FBRSL1: variants seen among roughly 807,000 people sequenced by gnomAD.
FBRSL1 encodes the protein fibrosin like 1, also known as fibrosin-1-like protein.
A neutral mutation model predicts 89.6 loss-of-function variants in FBRSL1; 51 were observed. The observed-to-expected ratio is 0.57, with a 90% CI of 0.45 to 0.72. The LOEUF (loss-of-function observed/expected upper bound fraction) is 0.72, where lower values mean the gene tolerates loss of function less well. Among genes scored for constraint, FBRSL1 ranks in the 30% least tolerant of loss-of-function variants. The pLI is 0.00. For missense variants in FBRSL1, 1,618 were observed against 1,451.8 expected, an observed-to-expected ratio of 1.11 and a Z score of -1.86; for synonymous variants, 779 against 681.1, an observed-to-expected ratio of 1.14 and a Z score of -2.24.
chr12:132,498,911 C>T (rs748306704), intron 1 of FBRSL1, among the ~76,000 whole-genome samples: 60 of 152,244 alleles, frequency 3.9e-4, no homozygotes, highest in Non-Finnish European at 7.1e-4. Context: ...GCAGAGAGGC[C>T]GACAACCCCA....
chr12:132,572,682 G>A, intron 11 of FBRSL1, 60 bp downstream of exon 11: 3 of 1,218,520 alleles, frequency 2.5e-6, no homozygotes, highest in East Asian at 2.5e-5. Flanking sequence ...TGGGGGGAGT[G>A]CATGACAACC....
Position 132,583,513 on chromosome 12 carries a change from C to T in FBRSL1, c.2744C>T (p.Pro915Leu). 1 of 1,041,626 alleles carries T rather than the reference C, an allele frequency of 9.6e-7. No individual in the cohort carries two copies. The highest frequency in any genetic ancestry group is 3.1e-5 in the South Asian group (1 of 32,608). 64.5% of individuals were successfully genotyped at this position (1,041,626 alleles called of 1,614,324 possible). A position where few individuals can be genotyped will look rare whatever the true frequency, so the allele number is the denominator to read the frequency against. ...ARAPHLPPAAPALDGALLPSL... is the reference protein window; with the variant it reads ...ARAPHLPPAALALDGALLPSL... ...GCCCCGCACCTGCCGCCCGCCGCCC[C>T]CGCCTTGGACGGCGCGCTGCTGCCC... is the stretch of plus-strand genomic sequence containing the variant. The change falls in exon 19 of 19, where the codon CCC (proline) becomes CTC (leucine). Residue 915 changes from proline to leucine, a missense_variant. Coordinates refer to ENST00000680143, the MANE Select transcript of FBRSL1 (RefSeq NM_001367871.1).
At chr12:132,539,110 G>C (rs1200305452) in intron 4 of FBRSL1, among the ~76,000 whole-genome samples, 2 of 152,072 alleles carry the variant, frequency 1.3e-5, no homozygotes, top group Non-Finnish European at 2.9e-5. Flanking sequence ...AGTGAGCCCA[G>C]TGTGAGCCGC....
intron 2 of FBRSL1, among the ~76,000 whole-genome samples, chr12:132,515,726 C>G (rs770095167): frequency 1.3e-5 from 2 of 151,770 alleles, no homozygotes; most frequent in Non-Finnish European, 2.9e-5. Flanking sequence ...ATGGTGAAAC[C>G]CGTCTCTACT....
intron 5 of FBRSL1, chr12:132,550,914 C>A (rs139208545): frequency 5.8e-6 from 1 of 171,538 alleles, no homozygotes; most frequent in Non-Finnish European, 1.3e-5. Flanking sequence ...GGGTCAGGAA[C>A]TTACGCTGGG....
intron 3 of FBRSL1, 133 bp downstream of exon 3, chr12:132,525,956 T>C: frequency 1.4e-6 from 1 of 717,436 alleles, no homozygotes. Context: ...CCAGTCCGAG[T>C]CTGGGCCCCC....
intron 1 of FBRSL1, among the ~76,000 whole-genome samples, chr12:132,492,086 T>G (rs1252272114): frequency 1.3e-5 from 2 of 152,216 alleles, no homozygotes; most frequent in Non-Finnish European, 2.9e-5. Flanking sequence ...TGACACAGAC[T>G]GTACGTGTAC....
At chr12:132,564,702 A>G (rs112240878) in intron 5 of FBRSL1, among the ~76,000 whole-genome samples, 593 of 42,530 alleles carry the variant, frequency 0.014, 29 homozygotes, top group African/African-American at 0.052. Context: ...TCACCGTGTT[A>G]GCCAGGATGG....
At position 132,583,636 on chromosome 12, in the gene FBRSL1, C is replaced by T. The variant is rs1225207721; in HGVS notation, c.2867C>T (p.Pro956Leu). Residue 956 changes from proline to leucine, a missense_variant, in exon 19 of 19, where the codon CCG becomes CTG. Physicochemically the swap from Pro to Leu is moderately conservative, Grantham distance 98. Transcript: ENST00000680143. ...CCCGCCGCCGCCGCCCTCGGCGCAC[C>T]GCCCCCCCTGGTGACGGCGGCCGGG... Reference protein sequence around the residue: ...TPPAAAALGAPPPLVTAAGPP... With the variant: ...TPPAAAALGALPPLVTAAGPP... 1.8e-5 allele frequency: 18 copies of T among 1,004,452 alleles called. No individual in the cohort carries two copies. Among genetic ancestry groups the T allele is most frequent in the Non-Finnish European group, 2.0e-5 (17 of 842,760 alleles). The allele number at this position is 1,004,452 out of a possible 1,614,324, so 62.2% of individuals were successfully genotyped here. A position where few individuals can be genotyped will look rare whatever the true frequency, so the allele number is the denominator to read the frequency against.
intron 2 of FBRSL1, chr12:132,509,905 C>G (rs2034135286): frequency 8.1e-7 from 1 of 1,231,442 alleles, no homozygotes; most frequent in African/African-American, 1.6e-5. Context: ...TGCTGCTGCC[C>G]CCGGCGGGCC....
intron 5 of FBRSL1, among the ~76,000 whole-genome samples, chr12:132,557,933 C>T (rs890197155): frequency 2.0e-5 from 3 of 152,176 alleles, no homozygotes; most frequent in Non-Finnish European, 4.4e-5. Flanking sequence ...CAGAGCAGGG[C>T]CTGGAAGAGG....
chr12:132,517,703 C>T lies in FBRSL1; in HGVS notation c.490-8031C>T, dbSNP rs575345404. Among the ~76,000 whole-genome samples, 16 of 152,174 alleles carry T rather than the reference C, an allele frequency of 1.1e-4. 1 individual carries two copies. In the East Asian group the frequency reaches 2.5e-3, roughly 24 times the overall value. On this transcript the variant is annotated intron_variant, in intron 2 of 18. Coordinates refer to ENST00000680143, the MANE Select transcript of FBRSL1 (RefSeq NM_001367871.1). Reference sequence around the variant, plus strand: ...GGTGGCGTGTGCCTGAGGAGCCGAGCGGGCATGGGGTGGGCAGACAGGGCT... The same window carrying T: ...GGTGGCGTGTGCCTGAGGAGCCGAGTGGGCATGGGGTGGGCAGACAGGGCT...
rs551424486 is a variant in FBRSL1 at position 132,576,365 on chromosome 12, G to A, written c.1702-434G>A. Among the ~76,000 whole-genome samples, 4 of 151,978 alleles carry A rather than the reference G, an allele frequency of 2.6e-5. No homozygotes were observed. In the South Asian group the frequency reaches 6.2e-4, roughly 24 times the overall value. On this transcript the variant is annotated intron_variant, in intron 14 of 18. Transcript: ENST00000680143. Reference sequence around the variant, plus strand: ...CCGCCACTGCGCCCAGCTAATTTTTGTATTTTTAGTAAAGACGGGGTTTCG... The same window carrying A: ...CCGCCACTGCGCCCAGCTAATTTTTATATTTTTAGTAAAGACGGGGTTTCG...
chr12:132,537,247 G>A (rs1033020811), intron 4 of FBRSL1, among the ~76,000 whole-genome samples: 4 of 152,200 alleles, frequency 2.6e-5, no homozygotes, highest in African/African-American at 9.7e-5. Context: ...AGGAAGAGGT[G>A]GCACTCGGGT....
At chr12:132,568,336 G>A (rs1401996881) in intron 6 of FBRSL1, among the ~76,000 whole-genome samples, 2 of 152,380 alleles carry the variant, frequency 1.3e-5, no homozygotes, top group African/African-American at 4.8e-5. Flanking sequence ...CGGCAAGGAT[G>A]GGCCCTACTG....
chr12:132,509,663 C>T (rs2034101416), intron 2 of FBRSL1: 2 of 1,231,822 alleles, frequency 1.6e-6, no homozygotes, highest in Non-Finnish European at 2.0e-6. Flanking sequence ...TCCTCCTGGC[C>T]CCAAGGCACC....
intron 2 of FBRSL1, among the ~76,000 whole-genome samples, chr12:132,520,695 T>G (rs1002132811): frequency 2.6e-5 from 4 of 152,170 alleles, no homozygotes; most frequent in African/African-American, 9.7e-5. Context: ...CCTGGGCAGG[T>G]TCGGGACAGA....
At chr12:132,580,956 C>A in intron 15 of FBRSL1, 2 of 985,438 alleles carry the variant, frequency 2.0e-6, no homozygotes, top group Non-Finnish European at 2.4e-6. Context: ...GTGGGCTGGG[C>A]CTGTGCCCAG....
intron 2 of FBRSL1, among the ~76,000 whole-genome samples, chr12:132,523,946 C>G (rs1051820428): frequency 2.4e-4 from 37 of 152,304 alleles, no homozygotes; most frequent in African/African-American, 8.2e-4. Flanking sequence ...CAGCTGGGAC[C>G]GTGGTGCCAG....
Sources: allele counts gnomAD v4.1 joint callset (sites outside exome capture counted in the v4.1 genomes callset), GRCh38; gene constraint gnomAD v4.1.1; transcripts MANE v1.5; gene names NCBI Gene and HGNC (gene_info 2026-07-23, HGNC 2026-07-21).